Variants in YAF2 observed in about 807,000 individuals in gnomAD.
YAF2 encodes the protein YY1 associated factor 2, also known as YY1-associated factor 2.
Under a neutral mutation model 20.1 loss-of-function variants are expected in YAF2, and 7 were observed. The ratio of observed to expected loss-of-function variants is 0.35; its 90% CI spans 0.20 to 0.65. YAF2 has a LOEUF of 0.65. Ranked by LOEUF, YAF2 falls within the 30% of genes least tolerant of loss-of-function variation. YAF2 has a pLI of 0.69. For missense variants in YAF2, 151 were observed against 219.2 expected, an observed-to-expected ratio of 0.69 and a Z score of 1.96; for synonymous variants, 74 against 76.0, an observed-to-expected ratio of 0.97 and a Z score of 0.14.
At chr12:42,209,010 G>A (rs937356013) in intron 2 of YAF2, among the ~76,000 whole-genome samples, 1 of 152,118 alleles carries the variant, frequency 6.6e-6, no homozygotes, top group Non-Finnish European at 1.5e-5. Flanking sequence ...AATACAAAAT[G>A]AGTGGGAGAG....
In YAF2 at chr12:42,232,303, G is replaced by A. The variant is rs187476792; in HGVS notation, c.152+5296C>T. On this transcript the variant is annotated intron_variant, in intron 2 of 3. Transcript: ENST00000534854. ...GCCTCTGCACCATCACAGTGAAAAA[G>A]GCAAATAACATCTTCAAATTATTAT... The A allele has an allele frequency of 5.2e-3, 3,149 of 602,262 alleles. 17 individuals carry two copies. Among genetic ancestry groups the A allele is most frequent in the Middle Eastern group, 0.041 (49 of 1,184 alleles). 37.3% of individuals were successfully genotyped at this position (602,262 alleles called of 1,614,324 possible). A position where few individuals can be genotyped will look rare whatever the true frequency, so the allele number is the denominator to read the frequency against.
intron 2 of YAF2, among the ~76,000 whole-genome samples, chr12:42,170,017 C>A (rs147976580): frequency 6.6e-6 from 1 of 151,840 alleles, no homozygotes; most frequent in Admixed American, 6.6e-5. Flanking sequence ...ACCACAGGCA[C>A]GCATCACCAC....
intron 2 of YAF2, among the ~76,000 whole-genome samples, chr12:42,179,806 A>AG (rs1012129648): frequency 1.4e-4 from 22 of 151,828 alleles, no homozygotes; most frequent in East Asian, 3.9e-4. Flanking sequence ...AAAAAAAAAA[A>AG]AAAGAAATCA....
At position 42,160,537 on chromosome 12, in the gene YAF2, G is replaced by T. The variant is rs2065775563; in HGVS notation, c.*52C>A. The T allele has an allele frequency of 7.3e-7, 1 of 1,376,578 alleles. No homozygotes were observed. Among genetic ancestry groups the T allele is most frequent in the East Asian group, 2.3e-5 (1 of 43,692 alleles). 85.3% of individuals were successfully genotyped at this position (1,376,578 alleles called of 1,614,324 possible). ...AATGTGGTACCTCTTGGCATAATCTGTGTATTTGCATGGTAGGACAGAAGT... is the reference window on the plus strand; with the variant it reads ...AATGTGGTACCTCTTGGCATAATCTTTGTATTTGCATGGTAGGACAGAAGT... On this transcript the variant is annotated 3_prime_UTR_variant, in exon 4 of 4. Transcript: ENST00000534854.
Position 42,228,299 on chromosome 12 carries a change from G to C in YAF2, c.152+9300C>G, listed in dbSNP as rs2067832855. The stretch of plus-strand genomic sequence containing the variant: ...CCGCCCCGTCCGGGAGGGAGGTGGG[G>C]GGGGGTCAGCCCCCCTGCCCGGCCA... On this transcript the variant is annotated intron_variant, in intron 2 of 3. Coordinates refer to ENST00000534854, the MANE Select transcript of YAF2 (RefSeq NM_005748.6). Among the ~76,000 whole-genome samples, 3 of 71,916 alleles carry C rather than the reference G, an allele frequency of 4.2e-5. 1 individual carries two copies. The South Asian group carries it at 1.9e-3, about 46-fold the overall frequency. 47.2% of individuals were successfully genotyped at this position (71,916 alleles called of 152,430 possible).
At chr12:42,236,530 T>G (rs2068161709) in intron 2 of YAF2, among the ~76,000 whole-genome samples, 1 of 151,460 alleles carries the variant, frequency 6.6e-6, no homozygotes, top group Admixed American at 6.6e-5. Context: ...TGTCAACCAT[T>G]CCTGTCTCTA....
intron 2 of YAF2, chr12:42,232,988 T>C (rs536856549): frequency 1.0e-6 from 1 of 985,420 alleles, no homozygotes; most frequent in African/African-American, 1.7e-5. Flanking sequence ...CGGTTCTAAT[T>C]TGCAAAACTG....
At chr12:42,234,287 C>A in intron 2 of YAF2, 1 of 985,256 alleles carries the variant, frequency 1.0e-6, no homozygotes, top group Non-Finnish European at 1.2e-6. Flanking sequence ...AATGTGTCAC[C>A]GTGGCATTTT....
chr12:42,161,341 G>A (rs1019047441), intron 3 of YAF2: 2 of 300,374 alleles, frequency 6.7e-6, no homozygotes, highest in African/African-American at 4.5e-5. Flanking sequence ...CTCTTCTTAA[G>A]GGAAAAACAA....
At chr12:42,201,552 A>G (rs1592235469) in intron 2 of YAF2, among the ~76,000 whole-genome samples, 4 of 152,238 alleles carry the variant, frequency 2.6e-5, no homozygotes, top group Admixed American at 2.0e-4. Flanking sequence ...GGTATGTCGC[A>G]TATCTTTTAG....
chr12:42,168,620 A>G (rs902065108), intron 2 of YAF2, among the ~76,000 whole-genome samples: 2 of 152,114 alleles, frequency 1.3e-5, no homozygotes, highest in Non-Finnish European at 1.5e-5. Context: ...GTATTTAGCT[A>G]TTGTCCCCAA....
chr12:42,234,435 C>T, intron 2 of YAF2: 3 of 981,836 alleles, frequency 3.1e-6, no homozygotes, highest in Non-Finnish European at 3.6e-6. Flanking sequence ...GTAATGGGTA[C>T]ACTGGAATCC....
At chr12:42,233,550 T>TACA in intron 2 of YAF2, 4 of 902,160 alleles carry the variant, frequency 4.4e-6, no homozygotes, top group Non-Finnish European at 5.3e-6. Context: ...CTCACTCTGT[T>TACA]GCCCAGGCTG....
In YAF2 at chr12:42,235,794, C is replaced by T. The variant is rs1201975198; in HGVS notation, c.152+1805G>A. The T allele has an allele frequency of 5.2e-6, 8 of 1,535,970 alleles. No homozygotes were observed. The East Asian group carries it at 2.0e-4, about 38-fold the overall frequency. On this transcript the variant is annotated intron_variant, in intron 2 of 3. Coordinates refer to ENST00000534854, the MANE Select transcript of YAF2 (RefSeq NM_005748.6). ...AAAATGTCAGGGGCCCCCATGTGGG[C>T]CTCAAGCCTCTTTTAAACTAGGCCC...
intron 2 of YAF2, among the ~76,000 whole-genome samples, chr12:42,225,943 A>G (rs2067679792): frequency 6.6e-6 from 1 of 152,218 alleles, no homozygotes; most frequent in Admixed American, 6.5e-5. Context: ...TGGGGACAGC[A>G]CTGAATCTAT....
chr12:42,192,240 G>A (rs1264560665), intron 2 of YAF2, among the ~76,000 whole-genome samples: 2 of 151,976 alleles, frequency 1.3e-5, no homozygotes, highest in East Asian at 3.9e-4. Context: ...GAGCATCGTG[G>A]CACATGCCTG....
intron 2 of YAF2, among the ~76,000 whole-genome samples, chr12:42,188,744 T>C (rs981700068): frequency 5.3e-5 from 8 of 152,162 alleles, no homozygotes; most frequent in Non-Finnish European, 1.0e-4. Flanking sequence ...AATTTTATTA[T>C]GTAATAACCT....
In YAF2 at chr12:42,157,449, G is replaced by C. The variant is rs1184484596; in HGVS notation, c.*3140C>G. The C allele has an allele frequency of 1.3e-5, 2 of 152,226 alleles. No homozygotes were observed. Among genetic ancestry groups the C allele is most frequent in the Non-Finnish European group, 2.9e-5 (2 of 68,056 alleles). The allele number at this position is 152,226 out of a possible 1,614,324, so 9.4% of individuals were successfully genotyped here. A position where few individuals can be genotyped will look rare whatever the true frequency, so the allele number is the denominator to read the frequency against. On this transcript the variant is annotated 3_prime_UTR_variant, in exon 4 of 4. Transcript: ENST00000534854. Reference sequence around the variant, plus strand: ...AGGCCTCAGCATGAGTTTTGGTGAGGACAAACCATATCCAAACCATAGCAG... The same window carrying C: ...AGGCCTCAGCATGAGTTTTGGTGAGCACAAACCATATCCAAACCATAGCAG...
intron 2 of YAF2, among the ~76,000 whole-genome samples, chr12:42,173,024 G>A (rs971039871): frequency 3.3e-5 from 5 of 152,164 alleles, no homozygotes; most frequent in Admixed American, 1.3e-4. Context: ...AACTGCAAAT[G>A]GACATGAGAG....
Sources: gnomAD v4.1 joint callset for allele counts (sites outside exome capture counted in the v4.1 genomes callset) on GRCh38, gnomAD v4.1.1 for gene constraint, MANE v1.5 for transcripts, NCBI Gene and HGNC (gene_info 2026-07-23, HGNC 2026-07-21) for gene names.